The following TULP4 variants were observed in gnomAD, a reference collection of about 807,000 sequenced individuals.
TULP4 encodes TUB like protein 4.
A neutral mutation model predicts 129.0 loss-of-function variants in TULP4; 16 were observed. That is an observed-to-expected ratio of 0.12 (90% CI 0.08 to 0.19). The LOEUF (loss-of-function observed/expected upper bound fraction) is 0.19. Ranked by LOEUF, TULP4 falls within the 10% of genes least tolerant of loss-of-function variation. The pLI is 1.00. For missense variants in TULP4, 1,842 were observed against 2,059.1 expected, an observed-to-expected ratio of 0.89 and a Z score of 2.04; for synonymous variants, 998 against 854.0, an observed-to-expected ratio of 1.17 and a Z score of -2.94.
upstream of TULP4, among the ~76,000 whole-genome samples, chr6:158,311,782 TATG>T (rs369331531): frequency 4.1e-4 from 63 of 152,306 alleles, 1 homozygote; most frequent in East Asian, 8.7e-3. Context: ...GAATGGCAGT[TATG>T]ATTTCATTCA....
At chr6:158,448,521 T>C (rs137972559) in intron 3 of TULP4, among the ~76,000 whole-genome samples, 1 of 152,338 alleles carries the variant, frequency 6.6e-6, no homozygotes, top group Non-Finnish European at 1.5e-5. Context: ...CTTTTCCAAA[T>C]ATGGTTATAT....
rs553093758 is a variant in TULP4 at position 158,287,933 on chromosome 6, G to A, written n.116+5555G>A. On this transcript the variant is annotated intron_variant and non_coding_transcript_variant, in intron 1 of 1. Transcript: ENST00000432358. ...TGACCAAGTGACTGTTTTTAAAGTGGCAAATGATACTATTGCAGCTGTCCT... is the reference window on the plus strand; with the variant it reads ...TGACCAAGTGACTGTTTTTAAAGTGACAAATGATACTATTGCAGCTGTCCT... 3.9e-5 allele frequency among the ~76,000 whole-genome samples: 6 copies of A among 152,280 alleles called. No homozygotes were observed. In the South Asian group the frequency reaches 1.2e-3, roughly 32 times the overall value.
intron 1 of TULP4, among the ~76,000 whole-genome samples, chr6:158,288,078 G>C (rs1052417185): frequency 6.6e-6 from 1 of 152,124 alleles, no homozygotes; most frequent in Non-Finnish European, 1.5e-5. Context: ...ATGCTGGGGG[G>C]ACTTCAACTT....
chr6:158,430,939 A>C (rs1430440453), intron 3 of TULP4, among the ~76,000 whole-genome samples: 1 of 152,072 alleles, frequency 6.6e-6, no homozygotes, highest in Non-Finnish European at 1.5e-5. Flanking sequence ...CTTTTTTTTA[A>C]CTGAATTGCT....
intron 8 of TULP4, 66 bp from the exon 9 acceptor site, chr6:158,489,522 A>C: frequency 1.9e-6 from 3 of 1,585,430 alleles, no homozygotes; most frequent in Non-Finnish European, 1.7e-6. Context: ...AGTTTATAGT[A>C]ATGATCATTG....
intron 8 of TULP4, among the ~76,000 whole-genome samples, 160 bp from the exon 9 acceptor site, chr6:158,489,428 T>C (rs562128013): frequency 6.7e-4 from 102 of 152,350 alleles, no homozygotes; most frequent in Admixed American, 1.4e-3. Flanking sequence ...TTAGAAAATG[T>C]AAAAGAGAAA....
chr6:158,426,999 G>C (rs1778509534), intron 2 of TULP4, among the ~76,000 whole-genome samples: 1 of 152,168 alleles, frequency 6.6e-6, no homozygotes, highest in South Asian at 2.1e-4. Flanking sequence ...ATGAGAGTTT[G>C]TTCCTGATTT....
chr6:158,337,484 G>A (rs1780072811), intron 1 of TULP4, among the ~76,000 whole-genome samples: 1 of 152,180 alleles, frequency 6.6e-6, no homozygotes, highest in Admixed American at 6.5e-5. Context: ...GCAATGGATA[G>A]TGAATGCATC....
chr6:158,272,792 T>TG (rs1454641628), intron 1 of TULP4, among the ~76,000 whole-genome samples: 4 of 152,232 alleles, frequency 2.6e-5, no homozygotes, highest in Non-Finnish European at 4.4e-5. Flanking sequence ...CAAAAACAAA[T>TG]GTGACAGTTA....
chr6:158,506,734 TGGAAGAGGTCTTC>T lies in TULP4; in HGVS notation c.*44_*56del, dbSNP rs1780612714. The T allele has an allele frequency of 7.1e-7, 1 of 1,404,892 alleles. No individual in the cohort carries two copies. Among genetic ancestry groups the T allele is most frequent in the East Asian group, 2.3e-5 (1 of 43,976 alleles). The allele number at this position is 1,404,892 out of a possible 1,614,324, so 87.0% of individuals were successfully genotyped here. ...GGAGGAGAGAGATGCAGAGAGCCTT[TGGAAGAGGTCTTC>T]GGAGATGCCAGAGGAGCCCTCTAGG... On this transcript the variant is annotated 3_prime_UTR_variant, in exon 14 of 14. Coordinates refer to ENST00000367097, the MANE Select transcript of TULP4 (RefSeq NM_020245.5).
At chr6:158,461,835 T>G (rs1309853140) in intron 6 of TULP4, 106 bp downstream of exon 6, 8 of 1,318,002 alleles carry the variant, frequency 6.1e-6, no homozygotes, top group Non-Finnish European at 7.2e-6. Flanking sequence ...TTACCTTAGG[T>G]TGTGGTGGGT....
chr6:158,314,530 G>A (rs555109046), intron 1 of TULP4, among the ~76,000 whole-genome samples: 6 of 152,276 alleles, frequency 3.9e-5, no homozygotes. Context: ...TAGAGGGTCC[G>A]GGCAGTGGGA....
At chr6:158,441,866 C>T (rs967750670) in intron 3 of TULP4, among the ~76,000 whole-genome samples, 1 of 152,182 alleles carries the variant, frequency 6.6e-6, no homozygotes, top group Non-Finnish European at 1.5e-5. Context: ...TACGTTCCTG[C>T]CTGAGAGCCT....
In TULP4 at chr6:158,296,719, A is replaced by G. The variant is rs193204451; in HGVS notation, n.116+14341A>G. 4.2e-3 allele frequency among the ~76,000 whole-genome samples: 638 copies of G among 152,220 alleles called. 2 individuals are homozygous for G. Among genetic ancestry groups the G allele is most frequent in the Non-Finnish European group, 4.9e-3 (333 of 68,026 alleles). Reference sequence around the variant, plus strand: ...GAAAGAGTACAAAGAGAGGAATTTTACAGCTGGGCTGCCGGAGATGACATC... The same window carrying G: ...GAAAGAGTACAAAGAGAGGAATTTTGCAGCTGGGCTGCCGGAGATGACATC... On this transcript the variant is annotated intron_variant and non_coding_transcript_variant, in intron 1 of 1. Coordinates refer to the TULP4 transcript ENST00000432358.
At chr6:158,489,222 C>T (rs1780138801) in intron 8 of TULP4, among the ~76,000 whole-genome samples, 2 of 152,194 alleles carry the variant, frequency 1.3e-5, no homozygotes, top group Non-Finnish European at 2.9e-5. Context: ...TCAGTGAGCC[C>T]GCAAGACCCT....
intron 1 of TULP4, among the ~76,000 whole-genome samples, chr6:158,256,285 A>G (rs1050814320): frequency 5.3e-5 from 8 of 152,246 alleles, no homozygotes; most frequent in African/African-American, 1.9e-4. Context: ...CAGTGCGTGC[A>G]TGTGTGTATG....
At chr6:158,443,364 G>A (rs536338594) in intron 3 of TULP4, among the ~76,000 whole-genome samples, 1 of 151,938 alleles carries the variant, frequency 6.6e-6, no homozygotes, top group African/African-American at 2.4e-5. Flanking sequence ...TGATCTGCCC[G>A]TCTTGGCCTC....
At chr6:158,426,035 A>G (rs967933990) in intron 2 of TULP4, among the ~76,000 whole-genome samples, 1 of 152,190 alleles carries the variant, frequency 6.6e-6, no homozygotes, top group African/African-American at 2.4e-5. Flanking sequence ...TTCTTTTGAA[A>G]AGTGTCAGTT....
At chr6:158,441,042 C>A (rs1024613308) in intron 3 of TULP4, among the ~76,000 whole-genome samples, 1 of 152,104 alleles carries the variant, frequency 6.6e-6, no homozygotes, top group African/African-American at 2.4e-5. Context: ...ATAAGCAAGG[C>A]GCAGTGGCTC....
Sources: gnomAD v4.1 joint callset for allele counts (sites outside exome capture counted in the v4.1 genomes callset) on GRCh38, gnomAD v4.1.1 for gene constraint, MANE v1.5 for transcripts, NCBI Gene and HGNC (gene_info 2026-07-23, HGNC 2026-07-21) for gene names.